Variants in HSPB8 observed in about 807,000 individuals in gnomAD.
The protein encoded by HSPB8 is heat shock protein beta-8.
Under a neutral mutation model 16.5 loss-of-function variants are expected in HSPB8, and 9 were observed. The ratio of observed to expected loss-of-function variants is 0.55; its 90% CI spans 0.33 to 0.95. HSPB8 has a LOEUF of 0.95. Ranked by LOEUF, HSPB8 falls within the 40% of genes least tolerant of loss-of-function variation. The pLI is 0.03. For missense variants in HSPB8, 238 were observed against 251.2 expected (o/e 0.95, Z 0.35); for synonymous variants, 99 against 94.8 (o/e 1.04, Z -0.26).
At chr12:119,192,127 C>T (rs1343375566) in intron 2 of HSPB8, among the ~76,000 whole-genome samples, 3 of 152,156 alleles carry the variant, frequency 2.0e-5, no homozygotes, top group Non-Finnish European at 4.4e-5. Flanking sequence ...AAACCAAATT[C>T]TCAATAGTCT....
rs1488810401 is a variant in HSPB8, at chr12:119,178,940, T to C, written c.-373T>C. On this transcript the variant is annotated 5_prime_UTR_variant, in exon 1 of 3. Coordinates refer to ENST00000281938, the MANE Select transcript of HSPB8 (RefSeq NM_014365.3). ...CAGCCCAGAAGGAGCCAGAAGAAGT[T>C]TCTAGGCGCGCGTGCCCTGGGTTTA... The C allele has an allele frequency of 9.0e-6, 3 of 333,044 alleles. No individual in the cohort carries two copies. Among genetic ancestry groups the C allele is most frequent in the Admixed American group, 4.4e-5 (1 of 22,988 alleles). 20.6% of individuals were successfully genotyped at this position (333,044 alleles called of 1,614,324 possible). A position where few individuals can be genotyped will look rare whatever the true frequency, so the allele number is the denominator to read the frequency against.
intron 2 of HSPB8, among the ~76,000 whole-genome samples, chr12:119,191,443 C>G (rs1954711614): frequency 6.6e-6 from 1 of 152,184 alleles, no homozygotes; most frequent in Non-Finnish European, 1.5e-5. Flanking sequence ...AAAAGCTTGA[C>G]TTGGCAGCTT....
rs35502135 is a variant in HSPB8, at chr12:119,179,499, A to AC, written c.190dup (p.Leu64ProfsTer63). ...TCGTCTCTCCTCCGCCTGGCCAGGC[A>AC]CCCTAAGGTCGGGCATGGTGCCCCG... On this transcript the variant is annotated frameshift_variant, in exon 1 of 3. Coordinates refer to ENST00000281938, the MANE Select transcript of HSPB8 (RefSeq NM_014365.3). LOFTEE classifies it high-confidence loss of function. The AC allele has an allele frequency of 6.2e-7, 1 of 1,613,760 alleles. No individual in the cohort carries two copies. Among genetic ancestry groups the AC allele is most frequent in the Non-Finnish European group, 8.5e-7 (1 of 1,179,960 alleles).
At chr12:119,186,691 G>A (rs1954678138) in intron 1 of HSPB8, 1 of 343,424 alleles carries the variant, frequency 2.9e-6, no homozygotes, top group African/African-American at 2.1e-5. Context: ...TCAGGTGGGA[G>A]ACTTGGAAGA....
chr12:119,184,539 G>A (rs1430535452), intron 1 of HSPB8, among the ~76,000 whole-genome samples: 1 of 152,212 alleles, frequency 6.6e-6, no homozygotes, highest in Non-Finnish European at 1.5e-5. Flanking sequence ...GCCTGTGCTA[G>A]AGCCAGGCAG....
At chr12:119,188,546 C>T (rs963910452) in intron 2 of HSPB8, among the ~76,000 whole-genome samples, 1 of 152,128 alleles carries the variant, frequency 6.6e-6, no homozygotes, top group Non-Finnish European at 1.5e-5. Flanking sequence ...CTGCGCCTGG[C>T]CCCTAAACTC....
intron 1 of HSPB8, among the ~76,000 whole-genome samples, chr12:119,179,960 G>A (rs1954626545): frequency 6.6e-6 from 1 of 152,190 alleles, no homozygotes; most frequent in African/African-American, 2.4e-5. Context: ...TATTTTGACA[G>A]AGGGCATTTA....
In HSPB8 at chr12:119,193,721, G is replaced by A; in HGVS notation, c.454G>A (p.Val152Met). The A allele has an allele frequency of 6.2e-7, 1 of 1,614,212 alleles. No homozygotes were observed. The highest frequency in any genetic ancestry group is 8.5e-7 in the Non-Finnish European group (1 of 1,180,030). Residue 152 changes from valine (V) to methionine (M), a missense_variant, in exon 3 of 3, where the codon GTG (valine) becomes ATG (methionine). Physicochemically the swap from Val to Met is conservative, Grantham distance 21 (BLOSUM62 1). Transcript: ENST00000281938. ...KIQLPAEVDP[V>M]TVFASLSPEG... is the part of the protein sequence containing the mutation. Reference sequence around the variant, plus strand: ...TAGGCTTCCTGCAGAGGTGGATCCTGTGACAGTATTTGCCTCACTTTCCCC... The same window carrying A: ...TAGGCTTCCTGCAGAGGTGGATCCTATGACAGTATTTGCCTCACTTTCCCC...
chr12:119,188,935 A>G (rs983128830), intron 2 of HSPB8, among the ~76,000 whole-genome samples: 2 of 152,146 alleles, frequency 1.3e-5, no homozygotes, highest in African/African-American at 4.8e-5. Flanking sequence ...GTGTGGAGAG[A>G]TCACACTAGC....
chr12:119,178,940 T>A lies in HSPB8; in HGVS notation c.-373T>A, dbSNP rs1488810401. On this transcript the variant is annotated 5_prime_UTR_variant, in exon 1 of 3. Coordinates refer to ENST00000281938, the MANE Select transcript of HSPB8 (RefSeq NM_014365.3). ...CAGCCCAGAAGGAGCCAGAAGAAGTTTCTAGGCGCGCGTGCCCTGGGTTTA... is the reference window on the plus strand; with the variant it reads ...CAGCCCAGAAGGAGCCAGAAGAAGTATCTAGGCGCGCGTGCCCTGGGTTTA... The A allele has an allele frequency of 3.0e-6, 1 of 333,042 alleles. No homozygotes were observed. The highest frequency in any genetic ancestry group is 2.1e-5 in the African/African-American group (1 of 47,168). 20.6% of individuals were successfully genotyped at this position (333,042 alleles called of 1,614,324 possible).
At chr12:119,186,873 A>G in intron 1 of HSPB8, 152 bp from the exon 2 acceptor site, 1 of 739,506 alleles carries the variant, frequency 1.4e-6, no homozygotes, top group East Asian at 2.5e-5. Context: ...ATGGCAGACA[A>G]GGTCCTTGAG....
chr12:119,181,631 T>C (rs1284416277), intron 1 of HSPB8, among the ~76,000 whole-genome samples: 2 of 152,156 alleles, frequency 1.3e-5, no homozygotes, highest in African/African-American at 4.8e-5. Context: ...ATTATTGTCG[T>C]CGTTATTGTT....
At chr12:119,186,923 A>T in intron 1 of HSPB8, 102 bp from the exon 2 acceptor site, 2 of 1,103,934 alleles carry the variant, frequency 1.8e-6, no homozygotes, top group Non-Finnish European at 2.8e-6. Context: ...CCTAAGTCAC[A>T]CAGCAAGGCA....
chr12:119,179,352 A>G lies in HSPB8; in HGVS notation c.40A>G (p.Ser14Gly). 6.2e-7 allele frequency: 1 copy of G among 1,613,986 alleles called. No homozygotes were observed. The highest frequency in any genetic ancestry group is 8.5e-7 in the Non-Finnish European group (1 of 1,179,992). The change falls in exon 1 of 3, where the codon AGC becomes GGC. Residue 14 changes from serine (S) to glycine (G), a missense_variant. By Grantham distance (56) the Ser-to-Gly change is moderately conservative (BLOSUM62 0). Coordinates refer to ENST00000281938, the MANE Select transcript of HSPB8 (RefSeq NM_014365.3). ...GQMPFSCHYP[S>G]RLRRDPFRDS... ...GATGCCCTTCTCCTGCCACTACCCA[A>G]GCCGCCTGCGCCGAGACCCCTTCCG...
chr12:119,186,853 G>T, intron 1 of HSPB8, 172 bp from the exon 2 acceptor site: 1 of 674,084 alleles, frequency 1.5e-6, no homozygotes, highest in Non-Finnish European at 2.7e-6. Flanking sequence ...GTGGACTTAG[G>T]TGGGTCTGTA....
rs1256697965 is a variant in HSPB8, at chr12:119,179,359, T to G, written c.47T>G (p.Leu16Arg). The stretch of plus-strand genomic sequence containing the variant: ...TTCTCCTGCCACTACCCAAGCCGCC[T>G]GCGCCGAGACCCCTTCCGGGACTCT... Reference protein sequence around the residue: ...MPFSCHYPSRLRRDPFRDSPL... With the variant: ...MPFSCHYPSRRRRDPFRDSPL... The change falls in exon 1 of 3, where the codon CTG becomes CGG. Residue 16 changes from leucine (L) to arginine (R), a missense_variant. Physicochemically the swap from Leu to Arg is moderately radical, Grantham distance 102. Coordinates refer to ENST00000281938, the MANE Select transcript of HSPB8 (RefSeq NM_014365.3). The G allele has an allele frequency of 9.3e-6, 15 of 1,614,128 alleles. No individual in the cohort carries two copies. The highest frequency in any genetic ancestry group is 1.1e-5 in the Non-Finnish European group (13 of 1,180,034).
chr12:119,193,447 A>T (rs1347459710), intron 2 of HSPB8, among the ~76,000 whole-genome samples: 1 of 152,168 alleles, frequency 6.6e-6, no homozygotes, highest in East Asian at 1.9e-4. Context: ...GCATACTCAG[A>T]CTCTGAAGTT....
chr12:119,186,975 G>T, intron 1 of HSPB8, 50 bp from the exon 2 acceptor site: 1 of 1,572,956 alleles, frequency 6.4e-7, no homozygotes, highest in Non-Finnish European at 8.7e-7. Flanking sequence ...AGTCCTGAAG[G>T]ATGCCCAAGG....
intron 1 of HSPB8, among the ~76,000 whole-genome samples, chr12:119,182,605 TC>T (rs1470828008): frequency 6.6e-6 from 1 of 152,004 alleles, no homozygotes; most frequent in African/African-American, 2.4e-5. Flanking sequence ...GCCACTGCAT[TC>T]CAGCCTGGGC....
Sources: allele counts gnomAD v4.1 joint callset (sites outside exome capture counted in the v4.1 genomes callset), GRCh38; gene constraint gnomAD v4.1.1; transcripts MANE v1.5; gene names NCBI Gene and HGNC (gene_info 2026-07-23, HGNC 2026-07-21).